Variants in GALNT13 observed in about 807,000 individuals in gnomAD.
GALNT13 encodes the protein UDP-GalNAc:polypeptide N-acetylgalactosaminyltransferase 13.
Under a neutral mutation model 64.2 loss-of-function variants are expected in GALNT13, and 28 were observed. The observed-to-expected ratio is 0.44, with a 90% confidence interval of 0.32 to 0.60. The LOEUF (loss-of-function observed/expected upper bound fraction) is 0.60, where lower values mean the gene tolerates loss of function less well. Among genes scored for constraint, GALNT13 ranks in the 20% least tolerant of loss-of-function variants. The pLI, the probability that GALNT13 is intolerant of heterozygous loss-of-function variation, is 0.05. For synonymous variants in GALNT13, 214 were observed against 224.6 expected (o/e 0.95, Z 0.42); for missense variants, 577 against 669.8 (o/e 0.86, Z 1.53).
the GALNT13 span, among the ~76,000 whole-genome samples, chr2:153,411,611 G>T: frequency 6.6e-6 from 1 of 152,190 alleles, no homozygotes; most frequent in African/African-American, 2.4e-5. Flanking sequence ...AGCATGAGAT[G>T]AAACTGGAGG....
At position 154,287,117 on chromosome 2, in the gene GALNT13, TTGACACATC is replaced by T. The variant is rs1692313821; in HGVS notation, c.976-14287_976-14279del. ...GCAGCCACCTTTGGATGGCATGTCC[TTGACACATC>T]TGACCTTTGAGAAGGAGTTCACAGA... On this transcript the variant is annotated intron_variant, in intron 8 of 12. Coordinates refer to ENST00000392825, the MANE Select transcript of GALNT13 (RefSeq NM_052917.4). The T allele has an allele frequency of 2.5e-6, 3 of 1,204,204 alleles. No homozygotes were observed. In the South Asian group the frequency reaches 3.6e-5, roughly 14 times the overall value. 74.6% of individuals were successfully genotyped at this position (1,204,204 alleles called of 1,614,324 possible). A position where few individuals can be genotyped will look rare whatever the true frequency, so the allele number is the denominator to read the frequency against.
chr2:153,763,357 A>G, the GALNT13 span, among the ~76,000 whole-genome samples: 1 of 152,280 alleles, frequency 6.6e-6, no homozygotes, highest in African/African-American at 2.4e-5. Flanking sequence ...GTCTTCACCC[A>G]TATCTCACCT....
chr2:153,215,664 CA>C, the GALNT13 span, among the ~76,000 whole-genome samples: 1 of 151,984 alleles, frequency 6.6e-6, no homozygotes, highest in South Asian at 2.1e-4. Flanking sequence ...TCCATTATAT[CA>C]TGCAGTTTCT....
chr2:153,165,782 G>A, the GALNT13 span, among the ~76,000 whole-genome samples: 1 of 152,098 alleles, frequency 6.6e-6, no homozygotes, highest in Non-Finnish European at 1.5e-5. Context: ...CTTAGGATGT[G>A]AATAAATTTA....
At chr2:154,416,175 A>C (rs1404532300) in intron 11 of GALNT13, among the ~76,000 whole-genome samples, 1 of 152,062 alleles carries the variant, frequency 6.6e-6, no homozygotes, top group Non-Finnish European at 1.5e-5. Context: ...GTCTTAGTCT[A>C]TCTGGGTTGC....
the GALNT13 span, among the ~76,000 whole-genome samples, chr2:153,771,853 C>T: frequency 6.6e-6 from 1 of 152,140 alleles, no homozygotes; most frequent in Non-Finnish European, 1.5e-5. Flanking sequence ...GAGAGAGGTT[C>T]ACTGCACACA....
the GALNT13 span, among the ~76,000 whole-genome samples, chr2:153,173,722 T>G: frequency 6.6e-6 from 1 of 152,218 alleles, no homozygotes; most frequent in Non-Finnish European, 1.5e-5. Context: ...CTAAAAGTCT[T>G]CATCATTCCA....
At chr2:153,182,995 T>A in the GALNT13 span, among the ~76,000 whole-genome samples, 1 of 152,216 alleles carries the variant, frequency 6.6e-6, no homozygotes, top group African/African-American at 2.4e-5. Context: ...ATATACCCAG[T>A]AATGGGATTG....
the GALNT13 span, among the ~76,000 whole-genome samples, chr2:153,484,554 G>T: frequency 6.6e-6 from 1 of 152,056 alleles, no homozygotes. Context: ...CAAAAAAGGT[G>T]TACCCGATTT....
the GALNT13 span, among the ~76,000 whole-genome samples, chr2:153,250,577 C>A: frequency 6.6e-6 from 1 of 152,140 alleles, no homozygotes; most frequent in African/African-American, 2.4e-5. Context: ...AAGACACACG[C>A]ACATGTATGT....
the GALNT13 span, among the ~76,000 whole-genome samples, chr2:153,641,266 T>G: frequency 6.6e-6 from 1 of 152,156 alleles, no homozygotes; most frequent in Non-Finnish European, 1.5e-5. Context: ...TACCACATCC[T>G]GTATGAAACA....
the GALNT13 span, among the ~76,000 whole-genome samples, chr2:153,681,636 C>T: frequency 2.0e-5 from 3 of 151,748 alleles, no homozygotes; most frequent in Non-Finnish European, 4.4e-5. Flanking sequence ...CTTTTGCTAT[C>T]TCTCTTTCCT....
the GALNT13 span, among the ~76,000 whole-genome samples, chr2:153,859,774 A>T: frequency 5.3e-5 from 8 of 152,182 alleles, no homozygotes; most frequent in Non-Finnish European, 1.2e-4. Context: ...GTACATATTT[A>T]CTTAAAAATC....
At chr2:154,079,709 G>T (rs570626169) in intron 3 of GALNT13, among the ~76,000 whole-genome samples, 16 of 151,554 alleles carry the variant, frequency 1.1e-4, no homozygotes, top group African/African-American at 3.6e-4. Context: ...GAAGTTGCTT[G>T]CATACTTACC....
the GALNT13 span, among the ~76,000 whole-genome samples, chr2:153,078,854 T>C: frequency 4.6e-5 from 7 of 152,122 alleles, no homozygotes; most frequent in Non-Finnish European, 1.0e-4. Context: ...TTGGAGTTGA[T>C]TATATAATTT....
In GALNT13 at chr2:154,039,645, A is replaced by G. The variant is rs1342474541; in HGVS notation, c.142+95006A>G. ...AGGGAGGAGAGGAGAGGGAGAAGTT[A>G]CCTAATGGATGCAGAATTACAACTA... On this transcript the variant is annotated intron_variant, in intron 3 of 12. Transcript: ENST00000392825. 2.2e-5 allele frequency among the ~76,000 whole-genome samples: 3 copies of G among 139,362 alleles called. 1 individual carries two copies. In the East Asian group the frequency reaches 6.0e-4, roughly 28 times the overall value. The allele number at this position is 139,362 out of a possible 152,430, so 91.4% of individuals were successfully genotyped here. A position where few individuals can be genotyped will look rare whatever the true frequency, so the allele number is the denominator to read the frequency against.
chr2:154,051,615 C>T (rs1699625685), intron 3 of GALNT13, among the ~76,000 whole-genome samples: 1 of 152,132 alleles, frequency 6.6e-6, no homozygotes, highest in South Asian at 2.1e-4. Context: ...GAAGTTTAAG[C>T]TATTTAACAA....
chr2:154,207,689 G>A (rs1191443047), intron 4 of GALNT13, among the ~76,000 whole-genome samples: 1 of 152,136 alleles, frequency 6.6e-6, no homozygotes, highest in Non-Finnish European at 1.5e-5. Context: ...AGGAAAAAGG[G>A]ACAGGGAAGA....
chr2:153,767,901 G>T, the GALNT13 span, among the ~76,000 whole-genome samples: 42 of 151,798 alleles, frequency 2.8e-4, no homozygotes, highest in Non-Finnish European at 5.7e-4. Flanking sequence ...TATTTAAGTG[G>T]TCTGTTTACT....
Sources: allele counts gnomAD v4.1 joint callset (sites outside exome capture counted in the v4.1 genomes callset), GRCh38; gene constraint gnomAD v4.1.1; transcripts MANE v1.5; gene names NCBI Gene and HGNC (gene_info 2026-07-23, HGNC 2026-07-21).